The following SAMHD1 variants were observed in gnomAD, a reference collection of about 807,000 sequenced individuals.
The protein encoded by SAMHD1 is SAM and HD domain containing deoxynucleoside triphosphate triphosphohydrolase 1.
SAMHD1 carries 54 observed loss-of-function variants against 79.6 expected under a neutral mutation model. The ratio of observed to expected loss-of-function variants is 0.68; its 90% CI spans 0.55 to 0.85. The LOEUF is 0.85. SAMHD1 is among the 40% of genes least tolerant of loss of function. The probability of loss-of-function intolerance (pLI) is 0.00; values close to 1 mark genes in which losing one functional copy is unlikely to be tolerated. For synonymous variants in SAMHD1, 260 were observed against 264.1 expected (o/e 0.98, Z 0.15); for missense variants, 663 against 782.7 (o/e 0.85, Z 1.82).
intron 14 of SAMHD1, 36 bp downstream of exon 14, chr20:36,898,404 G>A: frequency 7.0e-7 from 1 of 1,424,576 alleles, no homozygotes. Context: ...TTTGCTACAT[G>A]CCACTATAGT....
chr20:36,913,756 C>CTT lies in SAMHD1; in HGVS notation c.1063-1206_1063-1205dup, dbSNP rs35178473. Among the ~76,000 whole-genome samples the CTT allele has an allele frequency of 4.9e-3, 657 of 135,298 alleles. 7 individuals carry two copies. Among genetic ancestry groups the CTT allele is most frequent in the South Asian group, 5.9e-3 (25 of 4,272 alleles). 88.8% of individuals were successfully genotyped at this position (135,298 alleles called of 152,430 possible). On this transcript the variant is annotated intron_variant, in intron 9 of 15. Transcript: ENST00000646673. ...CTATTCTTATGTTCTTCATTCTTGA[C>CTT]TTTTTTTTTTTTTTTTAGACAGTCT...
At chr20:36,938,969 G>A (rs958656554) in intron 3 of SAMHD1, among the ~76,000 whole-genome samples, 1 of 149,466 alleles carries the variant, frequency 6.7e-6, no homozygotes, top group South Asian at 2.1e-4. Context: ...GGTGGCTCAC[G>A]CCTGTAATCC....
intron 2 of SAMHD1, among the ~76,000 whole-genome samples, chr20:36,943,281 C>T (rs923652671): frequency 2.0e-5 from 3 of 152,106 alleles, no homozygotes; most frequent in Non-Finnish European, 2.9e-5. Context: ...GAACTTTCTG[C>T]GATGATGGAA....
In SAMHD1 at chr20:36,905,346, A is replaced by G; in HGVS notation, c.1410+18T>C. ...CAGAGATAACCTTTCACTAATGGAA[A>G]GATGCCTGATAACTCACCCTTTTAA... On this transcript the variant is annotated intron_variant, in intron 12 of 15. Transcript: ENST00000646673. 6.2e-7 allele frequency: 1 copy of G among 1,613,910 alleles called. No homozygotes were observed. The highest frequency in any genetic ancestry group is 1.7e-5 in the Admixed American group (1 of 60,006).
intron 3 of SAMHD1, among the ~76,000 whole-genome samples, chr20:36,938,517 G>A (rs2063619151): frequency 6.6e-6 from 1 of 151,850 alleles, no homozygotes. Flanking sequence ...TCCAGCCTGG[G>A]CAACCGAGTG....
rs2063563547 is a variant in SAMHD1 at position 36,930,769 on chromosome 20, G to A, written c.616C>T (p.His206Tyr). The change falls in exon 5 of 16, where the codon CAT (histidine) becomes TAT (tyrosine). Residue 206 changes from histidine to tyrosine, a missense_variant. By Grantham distance (83) the His-to-Tyr change is moderately conservative. Coordinates refer to ENST00000646673, the MANE Select transcript of SAMHD1 (RefSeq NM_015474.4). Reference protein sequence around the residue: ...VLCVQIAGLCHDLGHGPFSHM... With the variant: ...VLCVQIAGLCYDLGHGPFSHM... The stretch of plus-strand genomic sequence containing the variant: ...TCTTTGTACAGCTTACCGAGATCAT[G>A]ACAAAGTCCAGCAATCTGAACACAG... 1.2e-6 allele frequency: 2 copies of A among 1,610,440 alleles called. No homozygotes were observed. Among genetic ancestry groups the A allele is most frequent in the Non-Finnish European group, 8.5e-7 (1 of 1,176,908 alleles).
rs71186095 is a variant in SAMHD1, at chr20:36,947,551, G to GGT, written c.209-749_209-748dup. On this transcript the variant is annotated intron_variant, in intron 1 of 15. Coordinates refer to ENST00000646673, the MANE Select transcript of SAMHD1 (RefSeq NM_015474.4). ...ACTCAATACTCTGATTTGGAAGAGGGGTGTGTGTGTGTGTGTGTGTGTGTG... is the reference window on the plus strand; with the variant it reads ...ACTCAATACTCTGATTTGGAAGAGGGGTGTGTGTGTGTGTGTGTGTGTGTGTG... Among the ~76,000 whole-genome samples, 729 of 75,748 alleles carry GGT rather than the reference G, an allele frequency of 9.6e-3. 38 individuals carry two copies. The highest frequency in any genetic ancestry group is 0.017 in the African/African-American group (240 of 14,344). The allele number at this position is 75,748 out of a possible 152,430, so 49.7% of individuals were successfully genotyped here.
intron 3 of SAMHD1, chr20:36,940,395 G>T (rs1269525642): frequency 6.5e-6 from 1 of 152,734 alleles, no homozygotes; most frequent in Non-Finnish European, 1.5e-5. Context: ...GAAAAGGATA[G>T]AAACATAATA....
rs1990230093 is a variant in SAMHD1 at position 36,898,042 on chromosome 20, C to G, written c.1609-83G>C. 2.6e-6 allele frequency: 4 copies of G among 1,520,940 alleles called. No homozygotes were observed. In the East Asian group the frequency reaches 9.1e-5, roughly 35 times the overall value. 94.2% of individuals were successfully genotyped at this position (1,520,940 alleles called of 1,614,324 possible). A position where few individuals can be genotyped will look rare whatever the true frequency, so the allele number is the denominator to read the frequency against. On this transcript the variant is annotated intron_variant, in intron 14 of 15. Transcript: ENST00000646673. ...CTGGTCCCTAGGCTCCTAACTATTC[C>G]TTTTTTTTTGAGACAAGATCTCCCT...
At chr20:36,912,676 C>T (rs6130092) in intron 9 of SAMHD1, 124 bp from the exon 10 acceptor site, 1 of 651,358 alleles carries the variant, frequency 1.5e-6, no homozygotes, top group Non-Finnish European at 2.8e-6. Context: ...ACCGGGGCTT[C>T]TTCATTAACA....
intron 4 of SAMHD1, chr20:36,934,516 T>TC (rs1476899473): frequency 3.7e-3 from 100 of 26,796 alleles, no homozygotes; most frequent in Non-Finnish European, 5.1e-3. Context: ...AGACTCTGTC[T>TC]CAAAAAAAAA....
chr20:36,898,013 T>C, intron 14 of SAMHD1, 54 bp from the exon 15 acceptor site: 1 of 1,605,556 alleles, frequency 6.2e-7, no homozygotes, highest in Non-Finnish European at 8.5e-7. Flanking sequence ...ATTGGAGATA[T>C]CAGCTGGTCC....
At chr20:36,940,896 T>C (rs2063639080) in intron 3 of SAMHD1, 143 bp downstream of exon 3, 2 of 679,174 alleles carry the variant, frequency 2.9e-6, no homozygotes, top group Admixed American at 2.3e-5. Flanking sequence ...TTTTAGAAAG[T>C]GCAGAAAGTT....
chr20:36,898,636 G>A (rs892390823), intron 13 of SAMHD1, 92 bp from the exon 14 acceptor site: 61 of 967,904 alleles, frequency 6.3e-5, no homozygotes, highest in East Asian at 3.7e-4. Context: ...AACAGAGGCC[G>A]GGCGCAGTAG....
chr20:36,935,743 G>A (rs972933926), intron 3 of SAMHD1, among the ~76,000 whole-genome samples: 3 of 151,948 alleles, frequency 2.0e-5, no homozygotes, highest in African/African-American at 7.2e-5. Flanking sequence ...GCTAATTTTT[G>A]TATTTTGAGT....
At chr20:36,907,712 C>T (rs1264462809) in intron 11 of SAMHD1, among the ~76,000 whole-genome samples, 6 of 150,262 alleles carry the variant, frequency 4.0e-5, no homozygotes, top group Non-Finnish European at 7.4e-5. Flanking sequence ...CTCCTGACCT[C>T]GTATCTGCCC....
intron 3 of SAMHD1, among the ~76,000 whole-genome samples, chr20:36,938,245 C>A (rs1477646587): frequency 6.6e-6 from 1 of 152,024 alleles, no homozygotes; most frequent in Non-Finnish European, 1.5e-5. Context: ...AATATTACCT[C>A]AAAAATATAT....
intron 11 of SAMHD1, 79 bp from the exon 12 acceptor site, chr20:36,905,582 A>G: frequency 7.9e-7 from 1 of 1,272,138 alleles, no homozygotes; most frequent in Non-Finnish European, 1.1e-6. Context: ...TTCTATTGAA[A>G]TGATCTTAAC....
At position 36,950,102 on chromosome 20, in the gene SAMHD1, T is replaced by A. The variant is rs149991266; in HGVS notation, c.208+1334A>T. ...CAATTGGGAACAGTTGGTCAGTTTTTACCAAATGAAAGCACATAGTGTCTT... is the reference window on the plus strand; with the variant it reads ...CAATTGGGAACAGTTGGTCAGTTTTAACCAAATGAAAGCACATAGTGTCTT... On this transcript the variant is annotated intron_variant, in intron 1 of 15. Transcript: ENST00000646673. 2.1e-3 allele frequency among the ~76,000 whole-genome samples: 316 copies of A among 152,280 alleles called. 1 individual carries two copies. The highest frequency in any genetic ancestry group is 7.5e-3 in the African/African-American group (311 of 41,562).
Sources: allele counts gnomAD v4.1 joint callset (sites outside exome capture counted in the v4.1 genomes callset), GRCh38; gene constraint gnomAD v4.1.1; transcripts MANE v1.5; gene names NCBI Gene and HGNC (gene_info 2026-07-23, HGNC 2026-07-21).